The following CALCR variants were observed in gnomAD, a reference collection of about 807,000 sequenced individuals.
CALCR encodes calcitonin receptor.
Under a neutral mutation model 59.5 loss-of-function variants are expected in CALCR, and 47 were observed. That is an observed-to-expected ratio of 0.79 (90% CI 0.63 to 1.01). The LOEUF (loss-of-function observed/expected upper bound fraction) is 1.01. CALCR is among the 50% of genes least tolerant of loss of function. The pLI is 0.00. For missense variants in CALCR, 566 were observed against 597.1 expected, an observed-to-expected ratio of 0.95 and a Z score of 0.54; for synonymous variants, 213 against 211.3, an observed-to-expected ratio of 1.01 and a Z score of -0.07.
chr7:93,435,443 A>G (rs2115687593), intron 12 of CALCR, among the ~76,000 whole-genome samples: 1 of 152,286 alleles, frequency 6.6e-6, no homozygotes, highest in East Asian at 1.9e-4. Context: ...ACAGCAACAA[A>G]GAGCCTCAAA....
chr7:93,427,898 C>T (rs1799564083), intron 13 of CALCR, among the ~76,000 whole-genome samples: 1 of 148,786 alleles, frequency 6.7e-6, no homozygotes. Context: ...TCACACAGCA[C>T]AGCAACCGTA....
chr7:93,520,556 T>G (rs1237143582), intron 2 of CALCR, among the ~76,000 whole-genome samples: 1 of 152,136 alleles, frequency 6.6e-6, no homozygotes, highest in Non-Finnish European at 1.5e-5. Context: ...TTTAGAAAAT[T>G]TATTTCTAGC....
At chr7:93,508,195 T>C (rs1275705004) in intron 2 of CALCR, among the ~76,000 whole-genome samples, 1 of 152,202 alleles carries the variant, frequency 6.6e-6, no homozygotes, top group Non-Finnish European at 1.5e-5. Context: ...TTCACAAATG[T>C]TGACATAAGA....
At chr7:93,567,383 A>G (rs1789887408) in intron 2 of CALCR, among the ~76,000 whole-genome samples, 1 of 152,236 alleles carries the variant, frequency 6.6e-6, no homozygotes, top group African/African-American at 2.4e-5. Context: ...GTGCTGGGAC[A>G]AAGAAATAAT....
chr7:93,486,212 T>G lies in CALCR; in HGVS notation c.51+719A>C, dbSNP rs561383563. ...AGCTCCACATTGATTTACGTAAAATTTACTCATCTCCCATTCATGTGCTAT... is the reference window on the plus strand; with the variant it reads ...AGCTCCACATTGATTTACGTAAAATGTACTCATCTCCCATTCATGTGCTAT... On this transcript the variant is annotated intron_variant, in intron 3 of 13. Coordinates refer to ENST00000426151, the MANE Select transcript of CALCR (RefSeq NM_001742.4). Among the ~76,000 whole-genome samples, 10 of 151,626 alleles carry G rather than the reference T, an allele frequency of 6.6e-5. No homozygotes were observed. In the East Asian group the frequency reaches 7.8e-4, roughly 12 times the overall value.
At chr7:93,479,129 A>G (rs1438709660) in intron 4 of CALCR, among the ~76,000 whole-genome samples, 1 of 151,812 alleles carries the variant, frequency 6.6e-6, no homozygotes, top group Admixed American at 6.6e-5. Context: ...TTATTGCGGT[A>G]ATTTTATCAT....
intron 9 of CALCR, among the ~76,000 whole-genome samples, chr7:93,440,852 C>T (rs1434430006): frequency 2.6e-5 from 4 of 152,168 alleles, no homozygotes; most frequent in Non-Finnish European, 1.5e-5. Context: ...CATTGATTAG[C>T]AACTCCCCGT....
intron 2 of CALCR, among the ~76,000 whole-genome samples, chr7:93,526,974 A>G (rs1378807354): frequency 3.3e-5 from 5 of 152,084 alleles, no homozygotes; most frequent in Non-Finnish European, 7.4e-5. Context: ...AAAGAACATA[A>G]AACTATAAAG....
chr7:93,472,414 G>C lies in CALCR; in HGVS notation c.390C>G (p.Asn130Lys), dbSNP rs1270163560. 1 of 1,610,110 alleles carries C rather than the reference G, an allele frequency of 6.2e-7. No homozygotes were observed. Among genetic ancestry groups the C allele is most frequent in the Admixed American group, 1.7e-5 (1 of 59,744 alleles). Residue 130 changes from asparagine to lysine, a missense_variant, in exon 6 of 14, where the codon AAC (asparagine) becomes AAG (lysine). Physicochemically the swap from Asn to Lys is moderately conservative, Grantham distance 94 (BLOSUM62 0). Transcript: ENST00000426151. ...GAGTGAAAGCATTGCACATAGTATA[G>C]TTGGACCAGGTTCGATTGTTTTCAG... ...KHPENNRTWS[N>K]YTMCNAFTPE... is the part of the protein sequence containing the mutation.
intron 2 of CALCR, among the ~76,000 whole-genome samples, chr7:93,488,288 C>T (rs893315056): frequency 6.6e-6 from 1 of 151,596 alleles, no homozygotes; most frequent in Non-Finnish European, 1.5e-5. Flanking sequence ...AAACCAGTAC[C>T]AGCCACTGCA....
At chr7:93,510,527 A>G (rs140970978) in intron 2 of CALCR, among the ~76,000 whole-genome samples, 5 of 152,230 alleles carry the variant, frequency 3.3e-5, no homozygotes, top group African/African-American at 1.2e-4. Flanking sequence ...GCACATGTAT[A>G]TCCCCCAAAT....
chr7:93,496,200 A>G (rs895891743), intron 2 of CALCR, among the ~76,000 whole-genome samples: 5 of 151,498 alleles, frequency 3.3e-5, no homozygotes, highest in African/African-American at 1.2e-4. Context: ...GAAGCAGCAT[A>G]AAATAAAGTT....
intron 5 of CALCR, among the ~76,000 whole-genome samples, chr7:93,476,438 T>C (rs1251572657): frequency 2.6e-5 from 4 of 151,872 alleles, no homozygotes; most frequent in Admixed American, 2.6e-4. Context: ...TGTGTGTGTA[T>C]GTGTATATAT....
intron 2 of CALCR, among the ~76,000 whole-genome samples, chr7:93,532,838 C>CCATAAAAAAAAAAAAA (rs1788877627): frequency 1.0e-5 from 1 of 95,718 alleles, no homozygotes; most frequent in Non-Finnish European, 2.0e-5. Context: ...ATGTCCAAAG[C>CCATAAAAAAAAAAAAA]AAAAAAAAAA....
chr7:93,447,378 T>C (rs1007030523), intron 8 of CALCR, among the ~76,000 whole-genome samples: 1 of 152,012 alleles, frequency 6.6e-6, no homozygotes, highest in Non-Finnish European at 1.5e-5. Flanking sequence ...TAGGAAATCT[T>C]GTGTGGCAAT....
At chr7:93,447,903 G>C (rs1333312493) in intron 8 of CALCR, among the ~76,000 whole-genome samples, 2 of 151,944 alleles carry the variant, frequency 1.3e-5, no homozygotes, top group Non-Finnish European at 2.9e-5. Flanking sequence ...AAATTGAGGG[G>C]CTGGGGGATC....
At chr7:93,428,173 CAA>C (rs1296256414) in intron 13 of CALCR, among the ~76,000 whole-genome samples, 5 of 152,172 alleles carry the variant, frequency 3.3e-5, no homozygotes, top group Non-Finnish European at 7.4e-5. Flanking sequence ...GATAGAATAA[CAA>C]GTTTCAGCTG....
At chr7:93,434,595 A>AT (rs1799735769) in intron 12 of CALCR, among the ~76,000 whole-genome samples, 1 of 82,956 alleles carries the variant, frequency 1.2e-5, no homozygotes, top group African/African-American at 4.4e-5. Flanking sequence ...GGTGAATTTG[A>AT]AAAAAAAAAA....
Position 93,574,354 on chromosome 7 carries a change from C to G in CALCR, c.-92G>C, listed in dbSNP as rs1790068774. 6.6e-6 allele frequency: 1 copy of G among 152,260 alleles called. No individual in the cohort carries two copies. Among genetic ancestry groups the G allele is most frequent in the South Asian group, 2.1e-4 (1 of 4,838 alleles). 9.4% of individuals were successfully genotyped at this position (152,260 alleles called of 1,614,324 possible). A position where few individuals can be genotyped will look rare whatever the true frequency, so the allele number is the denominator to read the frequency against. Reference sequence around the variant, plus strand: ...AAGCAAAGGGTGTTCGCAGGTGTGGCTCCAGGGACTCAGGCGCTCAAGCTT... The same window carrying G: ...AAGCAAAGGGTGTTCGCAGGTGTGGGTCCAGGGACTCAGGCGCTCAAGCTT... On this transcript the variant is annotated 5_prime_UTR_variant, in exon 2 of 14. Coordinates refer to ENST00000426151, the MANE Select transcript of CALCR (RefSeq NM_001742.4).
Sources: gnomAD v4.1 joint callset for allele counts (sites outside exome capture counted in the v4.1 genomes callset) on GRCh38, gnomAD v4.1.1 for gene constraint, MANE v1.5 for transcripts, NCBI Gene and HGNC (gene_info 2026-07-23, HGNC 2026-07-21) for gene names.